SNX7: variants seen among roughly 807,000 people sequenced by gnomAD.
The protein encoded by SNX7 is sorting nexin-7.
SNX7 carries 35 observed loss-of-function variants against 48.4 expected under a neutral mutation model. That is an observed-to-expected ratio of 0.72 (90% confidence interval 0.55 to 0.96). The LOEUF is 0.96. Among genes scored for constraint, SNX7 ranks in the 40% least tolerant of loss-of-function variants. The pLI is 0.00. For missense variants in SNX7, 553 were observed against 548.9 expected (o/e 1.01, Z -0.07); for synonymous variants, 190 against 190.2 (o/e 1.00, Z 0.01).
chr1:98,675,327 C>T (rs1263864272), intron 1 of SNX7, among the ~76,000 whole-genome samples: 1 of 152,028 alleles, frequency 6.6e-6, no homozygotes, highest in Non-Finnish European at 1.5e-5. Flanking sequence ...TTTAGATAGT[C>T]AGTTTTATTG....
chr1:98,689,479 G>A (rs1650993319), intron 2 of SNX7, among the ~76,000 whole-genome samples: 1 of 152,142 alleles, frequency 6.6e-6, no homozygotes, highest in South Asian at 2.1e-4. Context: ...AGGATAGACT[G>A]AACCAATTAT....
At chr1:98,701,020 C>G (rs191119083) in intron 6 of SNX7, among the ~76,000 whole-genome samples, 154 of 152,062 alleles carry the variant, frequency 1.0e-3, no homozygotes, top group African/African-American at 3.4e-3. Flanking sequence ...TTGTGAAAAC[C>G]AGTAAAAGAT....
chr1:98,706,829 A>C (rs1194128048), intron 7 of SNX7, among the ~76,000 whole-genome samples: 2 of 152,124 alleles, frequency 1.3e-5, no homozygotes, highest in Admixed American at 1.3e-4. Flanking sequence ...TAGACAGAGC[A>C]ACTGGAAGGT....
intron 4 of SNX7, among the ~76,000 whole-genome samples, chr1:98,692,600 A>G (rs778443176): frequency 3.9e-5 from 6 of 152,162 alleles, no homozygotes; most frequent in Non-Finnish European, 5.9e-5. Flanking sequence ...GCTACACCCA[A>G]TTTAATGGAG....
intron 8 of SNX7, among the ~76,000 whole-genome samples, chr1:98,750,932 A>G (rs1431548281): frequency 1.3e-5 from 2 of 152,118 alleles, no homozygotes; most frequent in African/African-American, 4.8e-5. Flanking sequence ...ATATTTATAC[A>G]TTACATATGA....
At chr1:98,710,205 T>C (rs988653996) in intron 7 of SNX7, among the ~76,000 whole-genome samples, 1 of 152,108 alleles carries the variant, frequency 6.6e-6, no homozygotes, top group Admixed American at 6.6e-5. Context: ...TTTTCAAAAT[T>C]TTACCAATGA....
chr1:98,715,717 C>T (rs897166392), intron 7 of SNX7, among the ~76,000 whole-genome samples: 3 of 152,150 alleles, frequency 2.0e-5, no homozygotes, highest in Non-Finnish European at 2.9e-5. Flanking sequence ...TACAACAAAA[C>T]GTTCTGACTC....
Position 98,661,783 on chromosome 1 carries a change from G to T in SNX7, c.52G>T (p.Gly18Trp). Residue 18 changes from glycine to tryptophan, a missense_variant, in exon 1 of 9, where the codon GGG (glycine) becomes TGG (tryptophan). By Grantham distance (184) the Gly-to-Trp change is radical. Transcript: ENST00000306121. Reference sequence around the variant, plus strand: ...GGCGCCCTCCTCGGGCCTCCCGGCCGGGGGCGCCAACGGGGAGAGCCCGGG... The same window carrying T: ...GGCGCCCTCCTCGGGCCTCCCGGCCTGGGGCGCCAACGGGGAGAGCCCGGG... ...SQAPSSGLPA[G>W]GANGESPGGG... 8.0e-7 allele frequency: 1 copy of T among 1,242,768 alleles called. No homozygotes were observed. Among genetic ancestry groups the T allele is most frequent in the African/African-American group, 1.6e-5 (1 of 64,366 alleles). 77.0% of individuals were successfully genotyped at this position (1,242,768 alleles called of 1,614,324 possible). A position where few individuals can be genotyped will look rare whatever the true frequency, so the allele number is the denominator to read the frequency against.
chr1:98,690,933 T>A, intron 2 of SNX7, 142 bp from the exon 3 acceptor site: 2 of 453,968 alleles, frequency 4.4e-6, no homozygotes, highest in South Asian at 8.4e-5. Context: ...AAGAAAAAAA[T>A]TACAGGCTGA....
At chr1:98,688,763 C>T (rs9724902) in intron 2 of SNX7, among the ~76,000 whole-genome samples, 133,648 of 152,186 alleles carry the variant, frequency 0.88, 59,927 homozygotes, top group Non-Finnish European at 0.96. Flanking sequence ...CCATAGAAAA[C>T]TGTATTCTAT....
chr1:98,736,162 G>A (rs1392850616), intron 7 of SNX7, among the ~76,000 whole-genome samples: 2 of 152,216 alleles, frequency 1.3e-5, no homozygotes, highest in Non-Finnish European at 2.9e-5. Context: ...TTTAGACACA[G>A]TGTTTCCTGA....
At chr1:98,662,434 AG>A (rs1649295293) in intron 1 of SNX7, 1 of 302,466 alleles carries the variant, frequency 3.3e-6, no homozygotes, top group African/African-American at 2.2e-5. Flanking sequence ...CCTGAACAGG[AG>A]AAAACGGTTG....
chr1:98,725,827 T>G (rs1653135425), intron 7 of SNX7, among the ~76,000 whole-genome samples: 1 of 152,188 alleles, frequency 6.6e-6, no homozygotes, highest in African/African-American at 2.4e-5. Flanking sequence ...ATTTCTGGGC[T>G]TTTTGGCTTC....
At chr1:98,674,141 A>G (rs914660884) in intron 1 of SNX7, among the ~76,000 whole-genome samples, 4 of 152,226 alleles carry the variant, frequency 2.6e-5, no homozygotes, top group Admixed American at 2.0e-4. Flanking sequence ...AGAATGGAGC[A>G]AAGTTGAAAT....
At chr1:98,665,876 C>T (rs551176394) in intron 1 of SNX7, among the ~76,000 whole-genome samples, 70 of 152,246 alleles carry the variant, frequency 4.6e-4, no homozygotes, top group African/African-American at 1.6e-3. Flanking sequence ...AGGCGTGAGC[C>T]ACCGTGCCCA....
chr1:98,737,921 A>G (rs1216209561), intron 7 of SNX7, among the ~76,000 whole-genome samples: 1 of 152,152 alleles, frequency 6.6e-6, no homozygotes, highest in African/African-American at 2.4e-5. Context: ...AATACAAAAG[A>G]CTTTGGAGTT....
upstream of SNX7, among the ~76,000 whole-genome samples, chr1:98,661,380 C>T (rs1287023770): frequency 2.0e-5 from 3 of 152,048 alleles, no homozygotes; most frequent in South Asian, 2.1e-4. Flanking sequence ...GGCTTCTTCC[C>T]AGACCCCGCC....
chr1:98,695,643 C>T lies in SNX7; in HGVS notation c.765C>T (p.Asn255=). Reference sequence around the variant, plus strand: ...CAGAGGAGTTCATGGAAATGAATAACTTTATTGAACTATTTAGCCAGAAAA... The same window carrying T: ...CAGAGGAGTTCATGGAAATGAATAATTTTATTGAACTATTTAGCCAGAAAA... The part of the protein sequence containing the change: ...NRPEEFMEMN[N]FIELFSQKIN... The change falls in exon 5 of 9, where the codon AAC becomes AAT. Residue 255 remains asparagine, a synonymous_variant. Coordinates refer to ENST00000306121, the MANE Select transcript of SNX7 (RefSeq NM_015976.5). The T allele has an allele frequency of 6.2e-7, 1 of 1,610,582 alleles. No homozygotes were observed. The highest frequency in any genetic ancestry group is 1.1e-5 in the South Asian group (1 of 90,964).
intron 1 of SNX7, among the ~76,000 whole-genome samples, chr1:98,680,627 A>G (rs1262466256): frequency 2.6e-5 from 4 of 152,168 alleles, no homozygotes; most frequent in Non-Finnish European, 4.4e-5. Flanking sequence ...AATTTCATCC[A>G]CTAGATACCC....
Sources: allele counts gnomAD v4.1 joint callset (sites outside exome capture counted in the v4.1 genomes callset), GRCh38; gene constraint gnomAD v4.1.1; transcripts MANE v1.5; gene names NCBI Gene and HGNC (gene_info 2026-07-23, HGNC 2026-07-21).